PFN2: variants seen among roughly 807,000 people sequenced by gnomAD.
The protein encoded by PFN2 is profilin-2.
PFN2 carries 8 observed loss-of-function variants against 15.3 expected under a neutral mutation model. That is an observed-to-expected ratio of 0.52 (90% confidence interval 0.31 to 0.95). The LOEUF (loss-of-function observed/expected upper bound fraction) is 0.95, where lower values mean the gene tolerates loss of function less well. Among genes scored for constraint, PFN2 ranks in the 40% least tolerant of loss-of-function variants. PFN2 has a pLI of 0.05. For missense variants in PFN2, 111 were observed against 182.3 expected (o/e 0.61, Z 2.25); for synonymous variants, 79 against 67.9 (o/e 1.16, Z -0.81).
intron 1 of PFN2, 68 bp from the exon 2 acceptor site, chr3:149,968,618 C>A: frequency 1.5e-6 from 2 of 1,355,192 alleles, no homozygotes; most frequent in Non-Finnish European, 1.0e-6. Flanking sequence ...CCTTTTAGGG[C>A]TTGATGTAAC....
At chr3:149,968,867 T>C (rs555481184) in intron 1 of PFN2, 1 of 262,088 alleles carries the variant, frequency 3.8e-6, no homozygotes, top group Non-Finnish European at 7.3e-6. Context: ...GAGTTATTTA[T>C]AAACTGTATT....
At position 149,968,441 on chromosome 3, in the gene PFN2, T is replaced by C; in HGVS notation, c.242A>G (p.Asp81Gly). The change falls in exon 2 of 3, where the codon GAT becomes GGT. Residue 81 changes from aspartate (D) to glycine (G), a missense_variant. Asp to Gly is a moderately conservative substitution (Grantham distance 94, BLOSUM62 -1). Around this residue, in one of 2 missense-constraint regions of PFN2, gnomAD observed 47 missense variants for 112.7 expected, o/e 0.42. Transcript: ENST00000239940. ...CSVIRDSLYV[D>G]GDCTMDIRTK... ...CCGGATGTCCATTGTGCAGTCACCA[T>C]CGACGTATAGACTATCTCTGATCAC... The C allele has an allele frequency of 3.1e-6, 5 of 1,614,130 alleles. No homozygotes were observed. Among genetic ancestry groups the C allele is most frequent in the Non-Finnish European group, 4.2e-6 (5 of 1,180,006 alleles).
Position 149,970,893 on chromosome 3 carries a change from A to G in PFN2, c.-37T>C. 1.6e-6 allele frequency: 2 copies of G among 1,250,594 alleles called. No individual in the cohort carries two copies. Among genetic ancestry groups the G allele is most frequent in the Non-Finnish European group, 2.0e-6 (2 of 981,080 alleles). The allele number at this position is 1,250,594 out of a possible 1,614,324, so 77.5% of individuals were successfully genotyped here. On this transcript the variant is annotated 5_prime_UTR_variant, in exon 1 of 3. Coordinates refer to ENST00000239940, the MANE Select transcript of PFN2 (RefSeq NM_053024.4). Reference sequence around the variant, plus strand: ...TCGCACTGCAGCGCGGACGGCGAGGAGCAGCAGGCGCAGCGGCGGCGGCGG... The same window carrying G: ...TCGCACTGCAGCGCGGACGGCGAGGGGCAGCAGGCGCAGCGGCGGCGGCGG...
chr3:149,969,426 C>A (rs941707156), intron 1 of PFN2, among the ~76,000 whole-genome samples: 1 of 152,202 alleles, frequency 6.6e-6, no homozygotes, highest in East Asian at 1.9e-4. Flanking sequence ...CTCCCGCAAT[C>A]TTCCTAGTCA....
chr3:149,965,380 T>C lies in PFN2; in HGVS notation c.*1109A>G. The C allele has an allele frequency of 6.8e-7, 1 of 1,478,490 alleles. No homozygotes were observed. The highest frequency in any genetic ancestry group is 1.4e-5 in the South Asian group (1 of 73,024). 91.6% of individuals were successfully genotyped at this position (1,478,490 alleles called of 1,614,324 possible). A position where few individuals can be genotyped will look rare whatever the true frequency, so the allele number is the denominator to read the frequency against. ...CCATAATGGCAGCCTTTTACAATTT[T>C]ACTAAAGAGTAGAGCTGGTGTGCAA... is the stretch of plus-strand genomic sequence containing the variant. On this transcript the variant is annotated 3_prime_UTR_variant, in exon 3 of 3. Coordinates refer to ENST00000239940, the MANE Select transcript of PFN2 (RefSeq NM_053024.4).
At chr3:149,967,663 A>G (rs1722732090) in intron 2 of PFN2, among the ~76,000 whole-genome samples, 1 of 152,198 alleles carries the variant, frequency 6.6e-6, no homozygotes, top group Non-Finnish European at 1.5e-5. Flanking sequence ...TCATAATAAA[A>G]CTCAATTTCA....
In PFN2 at chr3:149,970,690, C is replaced by A. The variant is rs1722839251; in HGVS notation, c.132+35G>T. 2.0e-6 allele frequency: 3 copies of A among 1,476,636 alleles called. No individual in the cohort carries two copies. The African/African-American group carries it at 4.4e-5, about 22-fold the overall frequency. The allele number at this position is 1,476,636 out of a possible 1,614,324, so 91.5% of individuals were successfully genotyped here. A position where few individuals can be genotyped will look rare whatever the true frequency, so the allele number is the denominator to read the frequency against. ...CGCGGCCGGCCACCCCGCTCCGGTG[C>A]AGGGACCAGGGTACCGGCCGCCACT... On this transcript the variant is annotated intron_variant, in intron 1 of 2. Transcript: ENST00000239940.
At chr3:149,966,700 A>C (rs1375679490) in intron 2 of PFN2, 114 bp from the exon 3 acceptor site, 1 of 760,596 alleles carries the variant, frequency 1.3e-6, no homozygotes, top group Non-Finnish European at 2.2e-6. Flanking sequence ...TTTTCCATGA[A>C]CTGCCAAGCA....
rs1330930561 is a variant in PFN2, at chr3:149,969,689, G to A, written c.132+1036C>T. Among the ~76,000 whole-genome samples the A allele has an allele frequency of 2.6e-5, 4 of 152,162 alleles. No individual in the cohort carries two copies. The East Asian group carries it at 7.7e-4, about 29-fold the overall frequency. On this transcript the variant is annotated intron_variant, in intron 1 of 2. Transcript: ENST00000239940. ...GTGGTGCTAAGAAATAAAGAGAATG[G>A]TCTCGTATTTAGTACAATTATCATA...
intron 1 of PFN2, chr3:149,970,429 C>T: frequency 4.0e-6 from 1 of 251,544 alleles, no homozygotes; most frequent in East Asian, 7.4e-5. Flanking sequence ...CTGGCCGGTG[C>T]GTGCCCCCTC....
In PFN2 at chr3:149,965,717, C is replaced by T. The variant is rs79891350; in HGVS notation, c.*772G>A. The T allele has an allele frequency of 3.0e-5, 19 of 629,042 alleles. No homozygotes were observed. In the East Asian group the frequency reaches 5.6e-4, roughly 19 times the overall value. 39.0% of individuals were successfully genotyped at this position (629,042 alleles called of 1,614,324 possible). On this transcript the variant is annotated 3_prime_UTR_variant, in exon 3 of 3. Coordinates refer to ENST00000239940, the MANE Select transcript of PFN2 (RefSeq NM_053024.4). ...TGCCTATGTGCGAAGGGAGGGGGGG[C>T]GGGAAAAAGAGAAGAGTGAAGGAAT...
chr3:149,965,852 A>C lies in PFN2; in HGVS notation c.*637T>G, dbSNP rs553690087. On this transcript the variant is annotated 3_prime_UTR_variant, in exon 3 of 3. Coordinates refer to ENST00000239940, the MANE Select transcript of PFN2 (RefSeq NM_053024.4). ...ACTGATCAGAGATTGTACAACCGGC[A>C]CCTTGCTTAATATTAACTTATTTTA... 1.2e-5 allele frequency: 14 copies of C among 1,155,344 alleles called. No homozygotes were observed. Among genetic ancestry groups the C allele is most frequent in the Non-Finnish European group, 1.5e-5 (14 of 936,742 alleles). 71.6% of individuals were successfully genotyped at this position (1,155,344 alleles called of 1,614,324 possible).
Position 149,965,972 on chromosome 3 carries a change from T to C in PFN2, c.*517A>G. On this transcript the variant is annotated 3_prime_UTR_variant, in exon 3 of 3. Coordinates refer to ENST00000239940, the MANE Select transcript of PFN2 (RefSeq NM_053024.4). ...CAAGGTATCATGCAAATCATTATTG[T>C]GCTGCAATTATGTTGCCAGATAAGG... 1 of 1,380,912 alleles carries C rather than the reference T, an allele frequency of 7.2e-7. No individual in the cohort carries two copies. The highest frequency in any genetic ancestry group is 9.3e-7 in the Non-Finnish European group (1 of 1,071,640). 85.5% of individuals were successfully genotyped at this position (1,380,912 alleles called of 1,614,324 possible). A position where few individuals can be genotyped will look rare whatever the true frequency, so the allele number is the denominator to read the frequency against.
chr3:149,966,668 T>A, intron 2 of PFN2, 82 bp from the exon 3 acceptor site: 2 of 1,022,914 alleles, frequency 2.0e-6, no homozygotes, highest in Non-Finnish European at 3.0e-6. Flanking sequence ...GAACCCGGAT[T>A]AATAAGTTAA....
chr3:149,969,725 C>G (rs1006815758), intron 1 of PFN2, among the ~76,000 whole-genome samples: 4 of 152,102 alleles, frequency 2.6e-5, no homozygotes, highest in African/African-American at 9.7e-5. Context: ...ATTTTAGAAA[C>G]AGCCTTGGGC....
intron 1 of PFN2, chr3:149,968,932 T>A (rs1722767591): frequency 5.3e-6 from 1 of 190,234 alleles, no homozygotes; most frequent in Non-Finnish European, 1.1e-5. Context: ...AGCTATCAAC[T>A]CTGAACAAAG....
chr3:149,965,432 T>G lies in PFN2; in HGVS notation c.*1057A>C. On this transcript the variant is annotated 3_prime_UTR_variant, in exon 3 of 3. Transcript: ENST00000239940. The stretch of plus-strand genomic sequence containing the variant: ...GAAAAAGGAAGAAAAATCTGAGCTA[T>G]TGCAATGATGGAATGTCCCTGGGGA... The G allele has an allele frequency of 1.4e-6, 2 of 1,443,560 alleles. No homozygotes were observed. The highest frequency in any genetic ancestry group is 3.0e-5 in the South Asian group (2 of 66,620). The allele number at this position is 1,443,560 out of a possible 1,614,324, so 89.4% of individuals were successfully genotyped here. A position where few individuals can be genotyped will look rare whatever the true frequency, so the allele number is the denominator to read the frequency against.
intron 1 of PFN2, 114 bp from the exon 2 acceptor site, chr3:149,968,664 CAGAT>C (rs1722758294): frequency 1.3e-6 from 1 of 755,540 alleles, no homozygotes; most frequent in African/African-American, 1.7e-5. Context: ...CTACCACTGC[CAGAT>C]AGCCACATTT....
chr3:149,965,308 G>A lies in PFN2; in HGVS notation c.*1181C>T. Reference sequence around the variant, plus strand: ...TGCAAATAAAAATTGGTCCTATGAAGAACAAACTGGACACACTCCAGATGG... The same window carrying A: ...TGCAAATAAAAATTGGTCCTATGAAAAACAAACTGGACACACTCCAGATGG... On this transcript the variant is annotated 3_prime_UTR_variant, in exon 3 of 3. Transcript: ENST00000239940. The A allele has an allele frequency of 6.5e-7, 1 of 1,534,370 alleles. No individual in the cohort carries two copies. Among genetic ancestry groups the A allele is most frequent in the Non-Finnish European group, 8.7e-7 (1 of 1,146,096 alleles).
Sources: allele counts gnomAD v4.1 joint callset (sites outside exome capture counted in the v4.1 genomes callset), GRCh38; gene constraint gnomAD v4.1.1; regional missense constraint gnomAD v4.1.1; transcripts MANE v1.5; gene names NCBI Gene and HGNC (gene_info 2026-07-23, HGNC 2026-07-21).